Variants in LPP observed in about 807,000 individuals in gnomAD.
LPP encodes the protein LIM domain containing preferred translocation partner in lipoma.
In LPP, 38 loss-of-function variants were observed where a neutral mutation model predicts 60.4. That is an observed-to-expected ratio of 0.63 (90% CI 0.49 to 0.83). The LOEUF (loss-of-function observed/expected upper bound fraction) is 0.83, where lower values mean the gene tolerates loss of function less well. LPP is among the 40% of genes least tolerant of loss of function. The pLI is 0.00. For synonymous variants in LPP, 328 were observed against 290.8 expected (o/e 1.13, Z -1.30); for missense variants, 902 against 783.6 (o/e 1.15, Z -1.80).
At chr3:188,268,860 G>C (rs1736585492) in intron 2 of LPP, among the ~76,000 whole-genome samples, 1 of 152,178 alleles carries the variant, frequency 6.6e-6, no homozygotes. Flanking sequence ...TTACTAGGTA[G>C]ATACTTTTTA....
chr3:188,649,192 A>G (rs1212076992), intron 7 of LPP, among the ~76,000 whole-genome samples: 1 of 152,184 alleles, frequency 6.6e-6, no homozygotes, highest in Non-Finnish European at 1.5e-5. Context: ...TAGTTTTTTT[A>G]TTTCTCAAAG....
At chr3:188,706,304 G>C (rs1317780671) in intron 7 of LPP, among the ~76,000 whole-genome samples, 1 of 152,182 alleles carries the variant, frequency 6.6e-6, no homozygotes, top group Non-Finnish European at 1.5e-5. Flanking sequence ...TGGTTCTTCA[G>C]ATCCTGGCAA....
chr3:188,279,724 G>C (rs1741265899), intron 2 of LPP, among the ~76,000 whole-genome samples: 1 of 152,202 alleles, frequency 6.6e-6, no homozygotes, highest in Admixed American at 6.5e-5. Context: ...GTGATGTAAT[G>C]TGAGGAAACA....
intron 2 of LPP, among the ~76,000 whole-genome samples, chr3:188,274,366 C>A (rs1738916328): frequency 6.6e-6 from 1 of 152,206 alleles, no homozygotes; most frequent in Non-Finnish European, 1.5e-5. Flanking sequence ...GTCAAATAGT[C>A]CCAGACTGTA....
chr3:188,862,769 A>G (rs12489374), intron 9 of LPP, among the ~76,000 whole-genome samples: 2 of 146,968 alleles, frequency 1.4e-5, no homozygotes, highest in Non-Finnish European at 3.0e-5. Flanking sequence ...AAGAAAAAGA[A>G]AGAGAGAGAG....
intron 3 of LPP, among the ~76,000 whole-genome samples, chr3:188,404,187 T>C (rs1030068562): frequency 3.9e-5 from 6 of 152,196 alleles, no homozygotes; most frequent in Non-Finnish European, 8.8e-5. Context: ...AAAAGTACTT[T>C]AATATCATCT....
At chr3:188,854,584 A>G (rs945749829) in intron 9 of LPP, among the ~76,000 whole-genome samples, 5 of 152,210 alleles carry the variant, frequency 3.3e-5, no homozygotes, top group African/African-American at 4.8e-5. Flanking sequence ...TGATTGCCAA[A>G]TCTGTTCAAC....
chr3:188,608,914 T>G (rs753607850), intron 6 of LPP, among the ~76,000 whole-genome samples: 4 of 152,208 alleles, frequency 2.6e-5, no homozygotes, highest in Non-Finnish European at 5.9e-5. Flanking sequence ...AAGTTTTTTA[T>G]GCTACTGTAA....
At chr3:188,563,318 A>C (rs1831184723) in intron 6 of LPP, among the ~76,000 whole-genome samples, 1 of 151,860 alleles carries the variant, frequency 6.6e-6, no homozygotes, top group Admixed American at 6.6e-5. Flanking sequence ...ATGAAGTTGA[A>C]CATAACAGCC....
At chr3:188,617,315 A>G (rs890006973) in intron 7 of LPP, among the ~76,000 whole-genome samples, 4 of 152,184 alleles carry the variant, frequency 2.6e-5, no homozygotes, top group Non-Finnish European at 5.9e-5. Context: ...AAATGACCTC[A>G]TGTGAATGCA....
At chr3:188,695,813 T>A (rs1577068811) in intron 7 of LPP, among the ~76,000 whole-genome samples, 4 of 152,356 alleles carry the variant, frequency 2.6e-5, no homozygotes, top group African/African-American at 9.6e-5. Context: ...CACCATACTT[T>A]AATCAGTGAG....
chr3:188,691,751 C>G (rs1053736705), intron 7 of LPP, among the ~76,000 whole-genome samples: 2 of 152,188 alleles, frequency 1.3e-5, no homozygotes, highest in African/African-American at 2.4e-5. Context: ...CTTATTTTCT[C>G]TATACTTTTC....
At chr3:188,485,175 T>C (rs982192101) in intron 5 of LPP, among the ~76,000 whole-genome samples, 6 of 152,178 alleles carry the variant, frequency 3.9e-5, no homozygotes, top group Admixed American at 2.0e-4. Flanking sequence ...TCAAATATCC[T>C]TAGGATTTTC....
In LPP at chr3:188,480,810, C is replaced by A. The variant is rs143037413; in HGVS notation, c.194-3782C>A. Among the ~76,000 whole-genome samples the A allele has an allele frequency of 4.1e-3, 623 of 152,260 alleles. 2 individuals are homozygous for A. Among genetic ancestry groups the A allele is most frequent in the Middle Eastern group, 0.017 (5 of 294 alleles). On this transcript the variant is annotated intron_variant, in intron 4 of 11. Transcript: ENST00000617246. ...CATGCACTAATATGAAGGTCTACAG[C>A]TTAGCTGTGCTGGCTGGAAGGTACT...
chr3:188,498,565 A>AC (rs1810924812), intron 5 of LPP, among the ~76,000 whole-genome samples: 1 of 152,170 alleles, frequency 6.6e-6, no homozygotes, highest in Non-Finnish European at 1.5e-5. Context: ...TTGTTAATAG[A>AC]CATTTGGGTT....
intron 2 of LPP, among the ~76,000 whole-genome samples, chr3:188,286,291 C>T (rs1743891041): frequency 6.6e-6 from 1 of 152,128 alleles, no homozygotes; most frequent in African/African-American, 2.4e-5. Context: ...TTCCTCTCTC[C>T]TTGTGTTGAG....
chr3:188,506,582 C>G (rs996728724), intron 5 of LPP, among the ~76,000 whole-genome samples: 1 of 152,122 alleles, frequency 6.6e-6, no homozygotes, highest in Non-Finnish European at 1.5e-5. Flanking sequence ...AACCCCTCTG[C>G]CCTTTCTTGT....
chr3:188,788,971 G>A (rs1042858663), intron 9 of LPP, among the ~76,000 whole-genome samples: 6 of 152,156 alleles, frequency 3.9e-5, no homozygotes, highest in South Asian at 4.2e-4. Flanking sequence ...AGTTTCTGTG[G>A]CTGCTCTTGT....
chr3:188,848,827 A>G (rs868163794), intron 9 of LPP, among the ~76,000 whole-genome samples: 1 of 152,048 alleles, frequency 6.6e-6, no homozygotes, highest in Non-Finnish European at 1.5e-5. Flanking sequence ...TTAGCCGGGC[A>G]TGGTGGTGCA....
Sources: gnomAD v4.1 joint callset for allele counts (sites outside exome capture counted in the v4.1 genomes callset) on GRCh38, gnomAD v4.1.1 for gene constraint, MANE v1.5 for transcripts, NCBI Gene and HGNC (gene_info 2026-07-23, HGNC 2026-07-21) for gene names.